The following GCNT1 variants were observed in gnomAD, a reference collection of about 807,000 sequenced individuals.
GCNT1 encodes the protein glucosaminyl (N-acetyl) transferase 1, also known as beta-1,3-galactosyl-O-glycosyl-glycoprotein beta-1,6-N-acetylglucosaminyltransferase.
Under a neutral mutation model 26.2 loss-of-function variants are expected in GCNT1, and 16 were observed. The ratio of observed to expected loss-of-function variants is 0.61; its 90% CI spans 0.41 to 0.93. GCNT1 has a LOEUF of 0.93. GCNT1 is among the 40% of genes least tolerant of loss of function. GCNT1 has a pLI of 0.00. For missense variants in GCNT1, 477 were observed against 526.7 expected (o/e 0.91, Z 0.92); for synonymous variants, 183 against 190.8 (o/e 0.96, Z 0.34).
At chr9:76,433,603 T>A (rs774329074) in intron 1 of GCNT1, among the ~76,000 whole-genome samples, 8 of 152,126 alleles carry the variant, frequency 5.3e-5, no homozygotes, top group Non-Finnish European at 1.2e-4. Flanking sequence ...TGCCAGGGGC[T>A]GAGTGCTGCA....
At chr9:76,433,238 G>A (rs1208095380) in intron 1 of GCNT1, among the ~76,000 whole-genome samples, 2 of 152,170 alleles carry the variant, frequency 1.3e-5, no homozygotes, top group Non-Finnish European at 2.9e-5. Flanking sequence ...CCCCCTCTTC[G>A]GAGCTCAGCA....
the GCNT1 span, among the ~76,000 whole-genome samples, chr9:76,411,697 CTTTTTTTTTT>C: frequency 0.19 from 15,581 of 84,168 alleles, 1,220 homozygotes; most frequent in Middle Eastern, 0.45. Context: ...ATCAATTATA[CTTTTTTTTTT>C]TTTTTTTTTT....
At chr9:76,410,905 T>C in the GCNT1 span, among the ~76,000 whole-genome samples, 1 of 152,236 alleles carries the variant, frequency 6.6e-6, no homozygotes, top group East Asian at 1.9e-4. Flanking sequence ...TTGTTATGTC[T>C]TCTTGAAAAT....
intron 2 of GCNT1, among the ~76,000 whole-genome samples, chr9:76,498,915 A>G (rs1043512537): frequency 6.6e-6 from 1 of 152,066 alleles, no homozygotes; most frequent in Non-Finnish European, 1.5e-5. Flanking sequence ...CATACTATAA[A>G]TTTGTCTGTA....
At chr9:76,454,934 G>A (rs185699029), upstream of GCNT1, among the ~76,000 whole-genome samples, 22 of 132,684 alleles carry the variant, frequency 1.7e-4, no homozygotes, top group African/African-American at 2.3e-4. Flanking sequence ...TGCAACCTCC[G>A]CCTCCCGGGT....
chr9:76,495,999 C>T (rs934576714), intron 2 of GCNT1, among the ~76,000 whole-genome samples: 3 of 152,118 alleles, frequency 2.0e-5, no homozygotes, highest in Non-Finnish European at 4.4e-5. Flanking sequence ...ATATTTAAGC[C>T]TTATTTCTCT....
chr9:76,394,849 C>CT, the GCNT1 span, among the ~76,000 whole-genome samples: 2 of 152,216 alleles, frequency 1.3e-5, no homozygotes, highest in African/African-American at 2.4e-5. Context: ...TCCGTTCGCT[C>CT]TTTAAGTATT....
At chr9:76,413,230 G>A in the GCNT1 span, among the ~76,000 whole-genome samples, 2 of 152,152 alleles carry the variant, frequency 1.3e-5, no homozygotes, top group Non-Finnish European at 1.5e-5. Flanking sequence ...GGCTATCTTG[G>A]TAGAAATAAA....
chr9:76,502,348 C>T lies in GCNT1; in HGVS notation c.-34C>T. 6.8e-7 allele frequency: 1 copy of T among 1,469,150 alleles called. No homozygotes were observed. Among genetic ancestry groups the T allele is most frequent in the Non-Finnish European group, 9.5e-7 (1 of 1,057,140 alleles). 91.0% of individuals were successfully genotyped at this position (1,469,150 alleles called of 1,614,324 possible). ...TGGTGCTTGGAGCATAGAAGACTGC[C>T]CTTCACAAAGGAAATCCCTGATTAT... On this transcript the variant is annotated 5_prime_UTR_variant, in exon 4 of 4. Coordinates refer to ENST00000376730, the MANE Select transcript of GCNT1 (RefSeq NM_001490.5).
intron 2 of GCNT1, among the ~76,000 whole-genome samples, chr9:76,485,335 G>T (rs142756491): frequency 6.6e-6 from 1 of 152,038 alleles, no homozygotes; most frequent in African/African-American, 2.4e-5. Context: ...ACCACACCCG[G>T]CTAATTTTTT....
intron 2 of GCNT1, among the ~76,000 whole-genome samples, chr9:76,469,342 G>A (rs1452282652): frequency 2.0e-5 from 3 of 152,148 alleles, no homozygotes; most frequent in South Asian, 4.1e-4. Context: ...GCTCACACCC[G>A]ACCAATCAGG....
At chr9:76,454,210 G>A (rs189868576), upstream of GCNT1, among the ~76,000 whole-genome samples, 3 of 151,406 alleles carry the variant, frequency 2.0e-5, no homozygotes, top group Admixed American at 1.3e-4. Context: ...GTGAAAACTC[G>A]TCTAAAAATA....
upstream of GCNT1, among the ~76,000 whole-genome samples, chr9:76,458,955 C>T (rs545615549): frequency 1.4e-4 from 22 of 152,396 alleles, no homozygotes; most frequent in African/African-American, 5.3e-4. Context: ...GCCGCTCACA[C>T]ACCTCTTAAG....
intron 2 of GCNT1, among the ~76,000 whole-genome samples, chr9:76,475,911 G>A (rs928067075): frequency 1.3e-5 from 2 of 152,124 alleles, no homozygotes; most frequent in Admixed American, 1.3e-4. Context: ...ACTTCTGTTT[G>A]ACTTCACACT....
chr9:76,400,458 G>A, the GCNT1 span, among the ~76,000 whole-genome samples: 3 of 151,948 alleles, frequency 2.0e-5, no homozygotes, highest in African/African-American at 4.8e-5. Context: ...CTGCTTTTTC[G>A]TGCTGCTATA....
chr9:76,482,465 C>CA (rs372319716), intron 2 of GCNT1, among the ~76,000 whole-genome samples: 36,550 of 147,786 alleles, frequency 0.25, 4,668 homozygotes, highest in East Asian at 0.31. Flanking sequence ...ACTAAAAATA[C>CA]AAAAAAAAAT....
chr9:76,446,297 G>A (rs1044535969), intron 1 of GCNT1, among the ~76,000 whole-genome samples: 11 of 152,182 alleles, frequency 7.2e-5, no homozygotes, highest in African/African-American at 2.7e-4. Context: ...TATAGAGGGT[G>A]TAAGACAAGG....
rs556033176 is a variant in GCNT1 at position 76,465,156 on chromosome 9, T to G, written c.-290+4979T>G. ...CTGCTGTGCCTGACTCTGATTTGAG[T>G]TTTTTTTTTTTTATTTTTTTTTAGA... On this transcript the variant is annotated intron_variant, in intron 2 of 3. Transcript: ENST00000376730. Among the ~76,000 whole-genome samples the G allele has an allele frequency of 4.6e-3, 435 of 94,308 alleles. 1 individual carries two copies. The highest frequency in any genetic ancestry group is 7.8e-3 in the Middle Eastern group (1 of 128). 61.9% of individuals were successfully genotyped at this position (94,308 alleles called of 152,430 possible).
intron 1 of GCNT1, among the ~76,000 whole-genome samples, chr9:76,443,934 G>GAAGAAAGGAAGA (rs1206279247): frequency 0.023 from 926 of 39,452 alleles, 2 homozygotes; most frequent in African/African-American, 0.034. Flanking sequence ...AGGAAGAAAG[G>GAAGAAAGGAAGA]AAGGAAGGAA....
Sources: gnomAD v4.1 joint callset for allele counts (sites outside exome capture counted in the v4.1 genomes callset) on GRCh38, gnomAD v4.1.1 for gene constraint, MANE v1.5 for transcripts, NCBI Gene and HGNC (gene_info 2026-07-23, HGNC 2026-07-21) for gene names.